VSIG1: variants seen among roughly 807,000 people sequenced by gnomAD.
VSIG1 encodes V-set and immunoglobulin domain containing 1.
In VSIG1, 11 loss-of-function variants were observed where a neutral mutation model predicts 20.1. That is an observed-to-expected ratio of 0.55 (90% CI 0.34 to 0.91). VSIG1 has a LOEUF of 0.91. Ranked by LOEUF, VSIG1 falls within the 40% of genes least tolerant of loss-of-function variation. VSIG1 has a pLI of 0.02. For missense variants in VSIG1, 283 were observed against 298.8 expected (o/e 0.95, Z 0.39); for synonymous variants, 126 against 116.7 (o/e 1.08, Z -0.52).
At chrX:108,063,759 G>C (rs762695610) in intron 2 of VSIG1, among the ~76,000 whole-genome samples, 4 of 111,531 alleles carry the variant, frequency 3.6e-5, no homozygotes, top group Admixed American at 9.5e-5. Flanking sequence ...GGGGCAGGCA[G>C]AGAGGACCTT....
At chrX:108,075,976 C>A in intron 5 of VSIG1, 101 bp from the exon 6 acceptor site, 1 of 1,050,081 alleles carries the variant, frequency 9.5e-7, no homozygotes, top group Non-Finnish European at 1.3e-6. Flanking sequence ...AAGTCATTTT[C>A]CCACTATGTG....
the VSIG1 span, among the ~76,000 whole-genome samples, chrX:108,027,657 C>T: frequency 9.0e-6 from 1 of 111,716 alleles, no homozygotes; most frequent in Non-Finnish European, 1.9e-5. Flanking sequence ...TCATATCTCA[C>T]TTTTTAAAAA....
At chrX:108,064,183 A>C (rs1196117037) in intron 2 of VSIG1, among the ~76,000 whole-genome samples, 3 of 111,499 alleles carry the variant, frequency 2.7e-5, no homozygotes, top group African/African-American at 9.8e-5. Context: ...CCTTAACAGA[A>C]AGCCCCTCCA....
Position 108,067,036 on chromosome X carries a change from A to T in VSIG1, c.314A>T (p.His105Leu), listed in dbSNP as rs767904691. Residue 105 changes from histidine (H) to leucine (L), a missense_variant, in exon 3 of 7, where the codon CAT (histidine) becomes CTT (leucine). His to Leu is a moderately conservative substitution (Grantham distance 99, BLOSUM62 -3). Transcript: ENST00000217957. ...GGTAATGCATCTATCACTATCTCGCATATGCAGCCAGCAGACAGTGGAATT... is the reference window on the plus strand; with the variant it reads ...GGTAATGCATCTATCACTATCTCGCTTATGCAGCCAGCAGACAGTGGAATT... The part of the protein sequence containing the change: ...DPGNASITIS[H>L]MQPADSGIYI... The T allele has an allele frequency of 6.2e-5, 75 of 1,209,622 alleles. No individual in the cohort carries two copies. The highest frequency in any genetic ancestry group is 8.2e-5 in the Non-Finnish European group (73 of 895,062).
rs771796852 is a variant in VSIG1 at position 108,077,794 on chromosome X, G to A, written c.*413G>A. On this transcript the variant is annotated 3_prime_UTR_variant, in exon 7 of 7. Coordinates refer to ENST00000217957, the MANE Select transcript of VSIG1 (RefSeq NM_182607.5). ...GCGATCTCGGCTCACTGCAACCTCCGCTCCCTGGGTTCAAGCGATTCTCCT... is the reference window on the plus strand; with the variant it reads ...GCGATCTCGGCTCACTGCAACCTCCACTCCCTGGGTTCAAGCGATTCTCCT... 15 of 118,212 alleles carry A rather than the reference G, an allele frequency of 1.3e-4. No homozygotes were observed. The highest frequency in any genetic ancestry group is 3.3e-4 in the South Asian group (1 of 3,002). 9.7% of individuals were successfully genotyped at this position (118,212 alleles called of 1,213,427 possible).
At chrX:108,051,353 C>A (rs928368753) in intron 1 of VSIG1, among the ~76,000 whole-genome samples, 2 of 111,331 alleles carry the variant, frequency 1.8e-5, no homozygotes, top group African/African-American at 3.3e-5. Context: ...GGAAGCCTGA[C>A]CTAGGGAAAC....
intron 2 of VSIG1, among the ~76,000 whole-genome samples, chrX:108,063,058 A>G (rs2031059153): frequency 8.9e-6 from 1 of 112,416 alleles, no homozygotes; most frequent in Non-Finnish European, 1.9e-5. Flanking sequence ...CCTTGTGTGA[A>G]TAGGAACTTG....
chrX:108,041,419 A>G (rs898828544), upstream of VSIG1, among the ~76,000 whole-genome samples: 2 of 112,025 alleles, frequency 1.8e-5, no homozygotes, highest in Non-Finnish European at 3.8e-5. Context: ...CAGCCTTAAC[A>G]TGGACAAGGT....
chrX:108,048,283 G>A (rs1485699615), intron 1 of VSIG1, among the ~76,000 whole-genome samples: 2 of 110,021 alleles, frequency 1.8e-5, no homozygotes, highest in African/African-American at 3.3e-5. Flanking sequence ...GATTACAGGC[G>A]TGAGCCACTG....
Position 108,047,937 on chromosome X carries a change from C to CAT in VSIG1, c.49+2774_49+2775dup, listed in dbSNP as rs1163371858. ...ATATATACACATATATATATATACA[C>CAT]ATATATATATATATATACACACACA... On this transcript the variant is annotated intron_variant, in intron 1 of 6. Coordinates refer to ENST00000217957, the MANE Select transcript of VSIG1 (RefSeq NM_182607.5). 1.9e-3 allele frequency among the ~76,000 whole-genome samples: 65 copies of CAT among 33,580 alleles called. 11 individuals are homozygous for CAT. The highest frequency in any genetic ancestry group is 6.1e-3 in the East Asian group (9 of 1,470). The allele number at this position is 33,580 out of a possible 115,157, so 29.2% of individuals were successfully genotyped here. A position where few individuals can be genotyped will look rare whatever the true frequency, so the allele number is the denominator to read the frequency against.
the VSIG1 span, among the ~76,000 whole-genome samples, chrX:108,028,637 A>G: frequency 9.0e-6 from 1 of 111,404 alleles, no homozygotes; most frequent in Admixed American, 9.6e-5. Flanking sequence ...GTACTGGGTC[A>G]TGAGAGACTG....
the VSIG1 span, among the ~76,000 whole-genome samples, chrX:108,026,424 C>T: frequency 9.0e-6 from 1 of 111,111 alleles, no homozygotes; most frequent in Non-Finnish European, 1.9e-5. Flanking sequence ...ATTACAGTCA[C>T]TTCCTTGAGA....
chrX:108,028,884 AG>A, the VSIG1 span, among the ~76,000 whole-genome samples: 1 of 111,905 alleles, frequency 8.9e-6, no homozygotes, highest in Non-Finnish European at 1.9e-5. Flanking sequence ...GGAAACTAGA[AG>A]GAATTAATGA....
At chrX:108,031,138 C>T in the VSIG1 span, among the ~76,000 whole-genome samples, 1 of 111,641 alleles carries the variant, frequency 9.0e-6, no homozygotes, top group Non-Finnish European at 1.9e-5. Context: ...TTGTTGCCTT[C>T]AGGTCCTCCA....
the VSIG1 span, among the ~76,000 whole-genome samples, chrX:108,028,321 T>G: frequency 9.1e-6 from 1 of 109,487 alleles, no homozygotes; most frequent in African/African-American, 3.5e-5. Context: ...TCTTACAAAT[T>G]TATCCTTTTA....
At chrX:108,061,920 C>T (rs961235663) in intron 2 of VSIG1, among the ~76,000 whole-genome samples, 1 of 110,144 alleles carries the variant, frequency 9.1e-6, no homozygotes, top group African/African-American at 3.3e-5. Context: ...CTGAAGTATC[C>T]CACAGGTCTT....
chrX:108,069,424 G>A (rs1367082086), intron 3 of VSIG1, among the ~76,000 whole-genome samples: 1 of 111,750 alleles, frequency 8.9e-6, no homozygotes, highest in Non-Finnish European at 1.9e-5. Flanking sequence ...TGGAAAATTT[G>A]AGACTGCTAA....
chrX:108,075,661 CA>C, intron 5 of VSIG1, among the ~76,000 whole-genome samples: 1 of 111,082 alleles, frequency 9.0e-6, no homozygotes, highest in East Asian at 2.8e-4. Flanking sequence ...TCCCAGTGAC[CA>C]GAGTGCATGA....
chrX:108,035,547 A>G, the VSIG1 span, among the ~76,000 whole-genome samples: 1 of 109,743 alleles, frequency 9.1e-6, no homozygotes, highest in Non-Finnish European at 1.9e-5. Context: ...CTCACTTTCA[A>G]AATTCATGAT....
Sources: gnomAD v4.1 joint callset for allele counts (sites outside exome capture counted in the v4.1 genomes callset) on GRCh38, gnomAD v4.1.1 for gene constraint, MANE v1.5 for transcripts, NCBI Gene and HGNC (gene_info 2026-07-23, HGNC 2026-07-21) for gene names.